Variants in ATP2B1 observed in about 807,000 individuals in gnomAD.
ATP2B1 encodes plasma membrane calcium-transporting ATPase 1.
Under a neutral mutation model 124.2 loss-of-function variants are expected in ATP2B1, and 14 were observed. That is an observed-to-expected ratio of 0.11 (90% CI 0.07 to 0.18). The LOEUF (loss-of-function observed/expected upper bound fraction) is 0.18. ATP2B1 is among the 10% of genes least tolerant of loss of function. The probability of loss-of-function intolerance (pLI) is 1.00; values close to 1 mark genes in which losing one functional copy is unlikely to be tolerated. For synonymous variants in ATP2B1, 449 were observed against 492.4 expected, an observed-to-expected ratio of 0.91 and a Z score of 1.17; for missense variants, 763 against 1,466.1, an observed-to-expected ratio of 0.52 and a Z score of 7.83.
At chr12:89,640,972 GCAAA>G (rs1353133570) in intron 3 of ATP2B1, among the ~76,000 whole-genome samples, 1 of 152,164 alleles carries the variant, frequency 6.6e-6, no homozygotes, top group Non-Finnish European at 1.5e-5. Context: ...ATACAGCAAT[GCAAA>G]CAGACTAACA....
chr12:89,598,684 T>A (rs781693758), intron 20 of ATP2B1: 1 of 1,613,984 alleles, frequency 6.2e-7, no homozygotes, highest in Non-Finnish European at 8.5e-7. Context: ...CGATGGAGGG[T>A]TGCCGCCTTA....
intron 1 of ATP2B1, among the ~76,000 whole-genome samples, chr12:89,657,316 T>C (rs1886076318): frequency 1.3e-5 from 2 of 152,222 alleles, no homozygotes; most frequent in Non-Finnish European, 2.9e-5. Flanking sequence ...TTCTTCCTCA[T>C]TCTAATGTCT....
chr12:89,673,355 T>C (rs1324021499), intron 1 of ATP2B1, among the ~76,000 whole-genome samples: 1 of 152,216 alleles, frequency 6.6e-6, no homozygotes, highest in African/African-American at 2.4e-5. Flanking sequence ...GAATAATATA[T>C]GCGCTCTCGT....
At chr12:89,622,342 C>G (rs1410454475) in intron 9 of ATP2B1, among the ~76,000 whole-genome samples, 1 of 151,714 alleles carries the variant, frequency 6.6e-6, no homozygotes, top group East Asian at 1.9e-4. Context: ...CATATCAAAA[C>G]TAGAATGAGT....
At chr12:89,653,705 C>CT (rs1885592447) in intron 2 of ATP2B1, among the ~76,000 whole-genome samples, 1 of 152,212 alleles carries the variant, frequency 6.6e-6, no homozygotes, top group Non-Finnish European at 1.5e-5. Flanking sequence ...TTAAAAACCA[C>CT]TGTACTAGAG....
intron 1 of ATP2B1, among the ~76,000 whole-genome samples, chr12:89,685,898 G>C (rs149890573): frequency 1.3e-5 from 2 of 152,062 alleles, no homozygotes; most frequent in African/African-American, 4.8e-5. Flanking sequence ...ACAGCAAGAA[G>C]AAGGCCATCA....
intron 2 of ATP2B1, among the ~76,000 whole-genome samples, chr12:89,643,261 C>T (rs1255259067): frequency 6.6e-6 from 1 of 150,974 alleles, no homozygotes. Flanking sequence ...CACACATATA[C>T]ACATATATAT....
chr12:89,700,803 C>A (rs1408434673), intron 1 of ATP2B1, among the ~76,000 whole-genome samples: 1 of 152,164 alleles, frequency 6.6e-6, no homozygotes, highest in Non-Finnish European at 1.5e-5. Context: ...TTCCACAATA[C>A]CTTACCAACA....
chr12:89,667,659 T>G (rs1887472306), intron 1 of ATP2B1, among the ~76,000 whole-genome samples: 1 of 152,198 alleles, frequency 6.6e-6, no homozygotes, highest in Non-Finnish European at 1.5e-5. Flanking sequence ...TCAAGGAGTT[T>G]ACAGTCTAAA....
chr12:89,655,497 C>T, intron 2 of ATP2B1, 182 bp downstream of exon 2: 3 of 617,438 alleles, frequency 4.9e-6, no homozygotes, highest in South Asian at 2.1e-5. Context: ...TAATTTGCAA[C>T]ATTTATGTGT....
At chr12:89,610,962 G>C (rs190030127) in intron 13 of ATP2B1, among the ~76,000 whole-genome samples, 5 of 152,122 alleles carry the variant, frequency 3.3e-5, no homozygotes, top group Non-Finnish European at 7.4e-5. Context: ...ATTCACTGCT[G>C]CTACTTTTAT....
intron 1 of ATP2B1, among the ~76,000 whole-genome samples, chr12:89,665,984 T>C (rs556068737): frequency 6.6e-6 from 1 of 152,346 alleles, no homozygotes; most frequent in Non-Finnish European, 1.5e-5. Flanking sequence ...TTTATTACAG[T>C]TCTTCACCAA....
chr12:89,659,936 A>T (rs1008707469), intron 1 of ATP2B1, among the ~76,000 whole-genome samples: 1 of 151,474 alleles, frequency 6.6e-6, no homozygotes, highest in Non-Finnish European at 1.5e-5. Flanking sequence ...AAAAACAAAA[A>T]AAAACAAAAA....
Position 89,626,599 on chromosome 12 carries a change from A to T in ATP2B1, c.984T>A (p.Gly328=), listed in dbSNP as rs761341457. The change falls in exon 8 of 21, where the codon GGT becomes GGA. Residue 328 remains glycine (G), a synonymous_variant. Transcript: ENST00000428670. Reference sequence around the variant, plus strand: ...TCAATGGCTGCATTTCCATGGCTGCACCATCCTGGGCTTTTGCTACATTTA... The same window carrying T: ...TCAATGGCTGCATTTCCATGGCTGCTCCATCCTGGGCTTTTGCTACATTTA... The part of the protein sequence containing the change: ...ENRNKAKAQD[G]AAMEMQPLKS... 15 of 1,608,610 alleles carry T rather than the reference A, an allele frequency of 9.3e-6. No homozygotes were observed. The highest frequency in any genetic ancestry group is 1.2e-5 in the Non-Finnish European group (14 of 1,178,596).
At chr12:89,708,359 C>G (rs1345727332) in intron 1 of ATP2B1, among the ~76,000 whole-genome samples, 1 of 152,296 alleles carries the variant, frequency 6.6e-6, no homozygotes, top group African/African-American at 2.4e-5. Flanking sequence ...CCAGACTGAC[C>G]CGGCGCTGAG....
rs771149407 is a variant in ATP2B1 at position 89,635,178 on chromosome 12, G to C, written c.480C>G (p.Leu160=). The part of the protein sequence containing the change: ...ETGWIEGAAI[L]LSVVCVVLVT... ...CTAACACCACACACACTACAGACAA[G>C]AGGATTGCAGCTCCTTCAATCCAAC... Residue 160 remains leucine (L), a synonymous_variant, in exon 4 of 21, where the codon CTC becomes CTG. Coordinates refer to ENST00000428670, the MANE Select transcript of ATP2B1 (RefSeq NM_001366521.1). 8 of 1,613,710 alleles carry C rather than the reference G, an allele frequency of 5.0e-6. No homozygotes were observed. In the East Asian group the frequency reaches 1.3e-4, roughly 27 times the overall value.
At chr12:89,701,317 G>A (rs1376339039) in intron 1 of ATP2B1, among the ~76,000 whole-genome samples, 2 of 152,028 alleles carry the variant, frequency 1.3e-5, no homozygotes, top group South Asian at 2.1e-4. Flanking sequence ...GAAGTCCTCC[G>A]GGTTGTACAC....
intron 20 of ATP2B1, chr12:89,598,735 T>C (rs184935550): frequency 1.2e-6 from 2 of 1,613,956 alleles, no homozygotes; most frequent in Admixed American, 1.7e-5. Context: ...AAGCATTCAC[T>C]ACATCCATCT....
Position 89,626,447 on chromosome 12 carries a change from A to G in ATP2B1, c.1129+7T>C. The G allele has an allele frequency of 1.3e-6, 2 of 1,599,878 alleles. No individual in the cohort carries two copies. Among genetic ancestry groups the G allele is most frequent in the Non-Finnish European group, 1.7e-6 (2 of 1,175,478 alleles). Reference sequence around the variant, plus strand: ...TAAAACACTTTATTTTCTTCTCTATATCATACCTGCTTTGCCAATCTGAAC... The same window carrying G: ...TAAAACACTTTATTTTCTTCTCTATGTCATACCTGCTTTGCCAATCTGAAC... On this transcript the variant is annotated splice_region_variant and intron_variant, in intron 8 of 20. Coordinates refer to ENST00000428670, the MANE Select transcript of ATP2B1 (RefSeq NM_001366521.1).
Sources: gnomAD v4.1 joint callset for allele counts (sites outside exome capture counted in the v4.1 genomes callset) on GRCh38, gnomAD v4.1.1 for gene constraint, MANE v1.5 for transcripts, NCBI Gene and HGNC (gene_info 2026-07-23, HGNC 2026-07-21) for gene names.